ST8SIA6: variants seen among roughly 807,000 people sequenced by gnomAD.
ST8SIA6 encodes the protein alpha-2,8-sialyltransferase 8F.
In ST8SIA6, 39 loss-of-function variants were observed where a neutral mutation model predicts 33.6. That is an observed-to-expected ratio of 1.16 (90% CI 0.90 to 1.52). The LOEUF (loss-of-function observed/expected upper bound fraction) is 1.52, where lower values mean the gene tolerates loss of function less well. Ranked by LOEUF, ST8SIA6 falls within the 40% of genes most tolerant of loss-of-function variation. ST8SIA6 has a pLI of 0.00. For missense variants in ST8SIA6, 441 were observed against 443.8 expected, an observed-to-expected ratio of 0.99 and a Z score of 0.06; for synonymous variants, 172 against 167.2, an observed-to-expected ratio of 1.03 and a Z score of -0.22.
intron 3 of ST8SIA6, among the ~76,000 whole-genome samples, chr10:17,368,445 G>C (rs369817566): frequency 7.5e-6 from 1 of 133,914 alleles, no homozygotes; most frequent in Non-Finnish European, 1.7e-5. Flanking sequence ...CTATGTTCTC[G>C]TGAAGTTTAT....
At chr10:17,351,427 C>T (rs1287699430) in intron 4 of ST8SIA6, among the ~76,000 whole-genome samples, 2 of 149,186 alleles carry the variant, frequency 1.3e-5, no homozygotes, top group Non-Finnish European at 3.0e-5. Context: ...AATTTTAGTA[C>T]TGTAACCAGG....
intron 2 of ST8SIA6, among the ~76,000 whole-genome samples, chr10:17,424,994 C>G (rs1006665426): frequency 6.6e-6 from 1 of 152,054 alleles, no homozygotes; most frequent in Admixed American, 6.6e-5. Flanking sequence ...CTCAGCCTCC[C>G]AAAATGCTGG....
chr10:17,406,221 G>T (rs1487925124), intron 2 of ST8SIA6, among the ~76,000 whole-genome samples: 1 of 152,094 alleles, frequency 6.6e-6, no homozygotes, highest in Non-Finnish European at 1.5e-5. Flanking sequence ...AAAGACAAAA[G>T]GTCTTCTACC....
chr10:17,409,637 G>A (rs1019518885), intron 2 of ST8SIA6: 16 of 152,300 alleles, frequency 1.1e-4, no homozygotes, highest in African/African-American at 3.9e-4. Context: ...TGCACTTTGG[G>A]AGGCCAAGGT....
At chr10:17,346,452 G>A (rs987213031) in intron 4 of ST8SIA6, among the ~76,000 whole-genome samples, 4 of 152,138 alleles carry the variant, frequency 2.6e-5, no homozygotes, top group Non-Finnish European at 4.4e-5. Context: ...AAATTAGCTG[G>A]GCTTGGTGGC....
At chr10:17,369,398 T>G (rs1325141265) in intron 3 of ST8SIA6, among the ~76,000 whole-genome samples, 2 of 152,242 alleles carry the variant, frequency 1.3e-5, no homozygotes, top group African/African-American at 4.8e-5. Flanking sequence ...TTTTCTGCTA[T>G]GTATTTCAAA....
chr10:17,333,717 A>ATATATATTTT (rs1251981910), intron 4 of ST8SIA6, among the ~76,000 whole-genome samples: 1 of 33,750 alleles, frequency 3.0e-5, no homozygotes, highest in Non-Finnish European at 4.7e-5. Flanking sequence ...ATATATATAT[A>ATATATATTTT]TTTTTTTTTT....
chr10:17,398,546 G>A (rs1293794497), intron 2 of ST8SIA6, among the ~76,000 whole-genome samples: 1 of 152,054 alleles, frequency 6.6e-6, no homozygotes, highest in African/African-American at 2.4e-5. Flanking sequence ...AGAATAATCT[G>A]CAAATGGGCA....
chr10:17,394,987 G>C (rs895934545), intron 2 of ST8SIA6, among the ~76,000 whole-genome samples: 2 of 152,158 alleles, frequency 1.3e-5, no homozygotes, highest in Non-Finnish European at 2.9e-5. Flanking sequence ...TGGTTTGGCT[G>C]TGTCCCCACC....
chr10:17,396,645 CA>C (rs1238413958), intron 2 of ST8SIA6, among the ~76,000 whole-genome samples: 2 of 152,146 alleles, frequency 1.3e-5, no homozygotes, highest in African/African-American at 4.8e-5. Flanking sequence ...AGATCCAGCC[CA>C]TCCCTTGATT....
At chr10:17,393,410 G>C (rs1850691075) in intron 2 of ST8SIA6, among the ~76,000 whole-genome samples, 1 of 152,214 alleles carries the variant, frequency 6.6e-6, no homozygotes, top group African/African-American at 2.4e-5. Flanking sequence ...CTTCAGTCTT[G>C]TGGCACCTTC....
At chr10:17,375,847 A>C (rs944934079) in intron 3 of ST8SIA6, among the ~76,000 whole-genome samples, 2 of 152,150 alleles carry the variant, frequency 1.3e-5, no homozygotes, top group African/African-American at 4.8e-5. Flanking sequence ...AAGATGTACA[A>C]GATTGCTGTT....
At chr10:17,422,294 A>G (rs1175443306) in intron 2 of ST8SIA6, among the ~76,000 whole-genome samples, 1 of 152,226 alleles carries the variant, frequency 6.6e-6, no homozygotes, top group East Asian at 1.9e-4. Flanking sequence ...TGTCCAAAAT[A>G]ATGAATTTAT....
chr10:17,407,623 T>C (rs563097516), intron 2 of ST8SIA6, among the ~76,000 whole-genome samples: 1 of 152,324 alleles, frequency 6.6e-6, no homozygotes, highest in African/African-American at 2.4e-5. Context: ...TGTGAGTAAA[T>C]CTTTTCTCTT....
intron 2 of ST8SIA6, among the ~76,000 whole-genome samples, chr10:17,437,636 TC>T (rs1852316494): frequency 7.6e-6 from 1 of 131,496 alleles, no homozygotes; most frequent in Admixed American, 7.7e-5. Flanking sequence ...CTTCCTTCCT[TC>T]CTTCCTTCCT....
chr10:17,327,011 T>C lies in ST8SIA6; in HGVS notation c.635+3A>G, dbSNP rs1432610187. 5 of 1,593,268 alleles carry C rather than the reference T, an allele frequency of 3.1e-6. No individual in the cohort carries two copies. In the South Asian group the frequency reaches 4.6e-5, roughly 15 times the overall value. On this transcript the variant is annotated splice_donor_region_variant and intron_variant, in intron 6 of 7. Coordinates refer to ENST00000377602, the MANE Select transcript of ST8SIA6 (RefSeq NM_001004470.3). ...TCAAAGAAACCAATTTGTCAGGTCT[T>C]ACCTAAAAACGAAGTCGGATTTATC...
At chr10:17,366,779 C>G (rs1849572802) in intron 3 of ST8SIA6, among the ~76,000 whole-genome samples, 1 of 152,112 alleles carries the variant, frequency 6.6e-6, no homozygotes, top group Admixed American at 6.5e-5. Flanking sequence ...TCCCAGCCCA[C>G]AGAGAGGGAT....
At chr10:17,384,058 T>C (rs1850253537) in intron 3 of ST8SIA6, among the ~76,000 whole-genome samples, 3 of 152,248 alleles carry the variant, frequency 2.0e-5, no homozygotes, top group South Asian at 2.1e-4. Context: ...TTGGAGAAAC[T>C]GGTTATTTTA....
chr10:17,416,963 T>G (rs1851627088), intron 2 of ST8SIA6, among the ~76,000 whole-genome samples: 1 of 152,186 alleles, frequency 6.6e-6, no homozygotes, highest in Non-Finnish European at 1.5e-5. Flanking sequence ...TCTGTATTGG[T>G]CCATTTACAT....
Sources: allele counts gnomAD v4.1 joint callset (sites outside exome capture counted in the v4.1 genomes callset), GRCh38; gene constraint gnomAD v4.1.1; transcripts MANE v1.5; gene names NCBI Gene and HGNC (gene_info 2026-07-23, HGNC 2026-07-21).